The following TDRD10 variants were observed in gnomAD, a reference collection of about 807,000 sequenced individuals.
TDRD10 encodes the protein tudor domain-containing protein 10.
Under a neutral mutation model 48.0 loss-of-function variants are expected in TDRD10, and 40 were observed. The observed-to-expected ratio is 0.83, with a 90% CI of 0.65 to 1.09. TDRD10 has a LOEUF of 1.09. TDRD10 is among the 50% of genes least tolerant of loss of function. The probability of loss-of-function intolerance (pLI) is 0.00; values close to 1 mark genes in which losing one functional copy is unlikely to be tolerated. For missense variants in TDRD10, 378 were observed against 434.7 expected (o/e 0.87, Z 1.16); for synonymous variants, 162 against 170.4 (o/e 0.95, Z 0.38).
chr1:154,519,893 A>G (rs1570923904), intron 4 of TDRD10, among the ~76,000 whole-genome samples: 2 of 152,158 alleles, frequency 1.3e-5, no homozygotes, highest in Admixed American at 6.5e-5. Context: ...GAAGGGAACC[A>G]TATCCCCGGG....
chr1:154,527,753 A>AG (rs1161585462), intron 6 of TDRD10, among the ~76,000 whole-genome samples: 7 of 152,260 alleles, frequency 4.6e-5, no homozygotes, highest in African/African-American at 2.4e-5. Context: ...GCAATAATAT[A>AG]ACTAACAAAG....
intron 1 of TDRD10, among the ~76,000 whole-genome samples, chr1:154,503,556 C>T (rs1219809747): frequency 6.6e-6 from 1 of 152,196 alleles, no homozygotes; most frequent in Non-Finnish European, 1.5e-5. Flanking sequence ...TCACTGCACT[C>T]CAGCCTGGGC....
intron 4 of TDRD10, among the ~76,000 whole-genome samples, chr1:154,508,721 A>T (rs1001372318): frequency 3.3e-5 from 5 of 152,188 alleles, no homozygotes; most frequent in Admixed American, 6.5e-5. Flanking sequence ...TTATCCCTGT[A>T]TACCTGGATG....
intron 4 of TDRD10, among the ~76,000 whole-genome samples, chr1:154,514,760 T>A (rs546744006): frequency 6.6e-6 from 1 of 152,242 alleles, no homozygotes; most frequent in East Asian, 1.9e-4. Flanking sequence ...CAGTTATGGC[T>A]CACTGCAGCC....
intron 6 of TDRD10, among the ~76,000 whole-genome samples, chr1:154,533,353 GTTT>G (rs75204432): frequency 0.2 from 26,250 of 134,232 alleles, 2,555 homozygotes; most frequent in South Asian, 0.24. Context: ...CTTTTGTTGG[GTTT>G]TTTTTTTTTT....
intron 6 of TDRD10, among the ~76,000 whole-genome samples, chr1:154,530,267 G>A (rs894267241): frequency 1.3e-5 from 2 of 152,062 alleles, no homozygotes; most frequent in Admixed American, 6.5e-5. Context: ...TGCCCGCCTC[G>A]GTCTCCCAGA....
rs918514639 is a variant in TDRD10, at chr1:154,502,251, T to C, written c.-806T>C. 7 of 243,788 alleles carry C rather than the reference T, an allele frequency of 2.9e-5. No individual in the cohort carries two copies. Among genetic ancestry groups the C allele is most frequent in the African/African-American group, 1.6e-4 (7 of 44,066 alleles). 15.1% of individuals were successfully genotyped at this position (243,788 alleles called of 1,614,324 possible). A position where few individuals can be genotyped will look rare whatever the true frequency, so the allele number is the denominator to read the frequency against. On this transcript the variant is annotated 5_prime_UTR_variant, in exon 1 of 13. Transcript: ENST00000368482. ...ACGCCTGCCCGGCCCGAGGACACCG[T>C]GGCTCTCGGAGGCGGCGGGCGCCGG...
intron 6 of TDRD10, among the ~76,000 whole-genome samples, chr1:154,526,417 ATT>A (rs58821375): frequency 0.14 from 18,558 of 132,920 alleles, 1,798 homozygotes; most frequent in East Asian, 0.4. Flanking sequence ...ACTTTCACAG[ATT>A]TTTTTTTTTT....
intron 6 of TDRD10, among the ~76,000 whole-genome samples, chr1:154,539,557 C>T (rs1695111480): frequency 6.6e-6 from 1 of 152,152 alleles, no homozygotes; most frequent in African/African-American, 2.4e-5. Flanking sequence ...ATGTGATCTG[C>T]CCACCTAGGC....
At chr1:154,538,669 C>T (rs1429688881) in intron 6 of TDRD10, among the ~76,000 whole-genome samples, 3 of 151,026 alleles carry the variant, frequency 2.0e-5, no homozygotes, top group Admixed American at 6.6e-5. Flanking sequence ...CTGACTAACA[C>T]GGTGAAACCC....
chr1:154,531,217 T>G (rs1317718646), intron 6 of TDRD10, among the ~76,000 whole-genome samples: 1 of 152,184 alleles, frequency 6.6e-6, no homozygotes, highest in Non-Finnish European at 1.5e-5. Flanking sequence ...CATTGCTCCT[T>G]GAAGCATTTT....
At chr1:154,528,413 AC>A (rs1412246812) in intron 6 of TDRD10, among the ~76,000 whole-genome samples, 1 of 151,586 alleles carries the variant, frequency 6.6e-6, no homozygotes, top group East Asian at 2.0e-4. Flanking sequence ...TTTACTAGAG[AC>A]GGGGTCTCGC....
At position 154,544,814 on chromosome 1, in the gene TDRD10, G is replaced by T; in HGVS notation, c.817G>T (p.Val273Leu). ...AWNRCWVLDR[V>L]DTWAVVMFID... is the part of the protein sequence containing the mutation. Reference sequence around the variant, plus strand: ...TGCCAGGTGTTGGGTGCTGGACAGGGTGGACACCTGGGCTGTGGTCATGTT... The same window carrying T: ...TGCCAGGTGTTGGGTGCTGGACAGGTTGGACACCTGGGCTGTGGTCATGTT... Residue 273 changes from valine (V) to leucine (L), a missense_variant, in exon 11 of 13, where the codon GTG becomes TTG. Physicochemically the swap from Val to Leu is conservative, Grantham distance 32. Transcript: ENST00000368482. The T allele has an allele frequency of 2.5e-6, 4 of 1,614,158 alleles. No homozygotes were observed. Among genetic ancestry groups the T allele is most frequent in the Non-Finnish European group, 3.4e-6 (4 of 1,180,024 alleles).
chr1:154,507,307 G>A lies in TDRD10; in HGVS notation c.69G>A (p.Glu23=), dbSNP rs755804330. The A allele has an allele frequency of 1.9e-6, 3 of 1,614,094 alleles. No homozygotes were observed. The highest frequency in any genetic ancestry group is 8.5e-7 in the Non-Finnish European group (1 of 1,180,010). The change falls in exon 3 of 13, where the codon GAG becomes GAA. Residue 23 remains glutamate (E), a synonymous_variant. Transcript: ENST00000368482. ...TTGGGAAGAATGGAGTGTTGGAGGA[G>A]CAGAAATCTCCAGGTAAGTTAGGCT... ...KLFGKNGVLE[E]QKSPGFKKRE... is the part of the protein sequence containing the mutation.
chr1:154,526,178 C>T (rs534527173), intron 6 of TDRD10, among the ~76,000 whole-genome samples: 1 of 147,916 alleles, frequency 6.8e-6, no homozygotes, highest in African/African-American at 2.5e-5. Context: ...GCACTCTGGC[C>T]TGGTGACAGA....
At chr1:154,509,825 G>T (rs1693349105) in intron 4 of TDRD10, 1 of 985,404 alleles carries the variant, frequency 1.0e-6, no homozygotes. Context: ...TGACAGTGAA[G>T]TGGGCAGAGG....
chr1:154,513,998 T>A (rs1001726094), intron 4 of TDRD10, among the ~76,000 whole-genome samples: 6 of 152,212 alleles, frequency 3.9e-5, no homozygotes, highest in African/African-American at 1.4e-4. Flanking sequence ...GAGACCACCC[T>A]GGCCAGTGTG....
At chr1:154,546,855 A>G (rs1023746567) in intron 11 of TDRD10, among the ~76,000 whole-genome samples, 3 of 152,328 alleles carry the variant, frequency 2.0e-5, no homozygotes, top group East Asian at 3.9e-4. Context: ...AGAAAATGGC[A>G]TAGCTGGGGA....
chr1:154,541,348 G>A (rs1313822387), intron 6 of TDRD10, among the ~76,000 whole-genome samples: 1 of 152,112 alleles, frequency 6.6e-6, no homozygotes, highest in Non-Finnish European at 1.5e-5. Flanking sequence ...CTTCCTGTTT[G>A]CCCTCTGATG....
Sources: gnomAD v4.1 joint callset for allele counts (sites outside exome capture counted in the v4.1 genomes callset) on GRCh38, gnomAD v4.1.1 for gene constraint, MANE v1.5 for transcripts, NCBI Gene and HGNC (gene_info 2026-07-23, HGNC 2026-07-21) for gene names.